Variants in ADGRB3 observed in about 807,000 individuals in gnomAD.
The protein encoded by ADGRB3 is adhesion G protein-coupled receptor B3.
In ADGRB3, 37 loss-of-function variants were observed where a neutral mutation model predicts 193.4. The observed-to-expected ratio is 0.19, with a 90% CI of 0.15 to 0.25. ADGRB3 has a LOEUF of 0.25. ADGRB3 is among the 10% of genes least tolerant of loss of function. The pLI is 1.00. For missense variants in ADGRB3, 1,637 were observed against 1,852.9 expected (o/e 0.88, Z 2.14); for synonymous variants, 690 against 644.2 (o/e 1.07, Z -1.08).
intron 17 of ADGRB3, among the ~76,000 whole-genome samples, chr6:69,136,235 A>C (rs1318081796): frequency 6.6e-6 from 1 of 152,094 alleles, no homozygotes; most frequent in Non-Finnish European, 1.5e-5. Context: ...TTAGAACTTA[A>C]GAAATGTCAT....
intron 17 of ADGRB3, among the ~76,000 whole-genome samples, chr6:69,158,676 T>G (rs1342596403): frequency 6.6e-6 from 1 of 152,080 alleles, no homozygotes. Context: ...ATTTCATAAG[T>G]CTTTCAACAT....
At chr6:68,877,075 C>T (rs1562067350) in intron 3 of ADGRB3, among the ~76,000 whole-genome samples, 1 of 151,882 alleles carries the variant, frequency 6.6e-6, no homozygotes, top group African/African-American at 2.4e-5. Flanking sequence ...TATTTTGATC[C>T]ACATATCTCT....
intron 3 of ADGRB3, among the ~76,000 whole-genome samples, chr6:68,718,755 A>G (rs1040659346): frequency 2.2e-4 from 33 of 151,704 alleles, no homozygotes; most frequent in African/African-American, 7.7e-4. Flanking sequence ...TATTTTACCT[A>G]CTGTGTAAGT....
chr6:68,743,033 C>T (rs1160951189), intron 3 of ADGRB3, among the ~76,000 whole-genome samples: 4 of 152,102 alleles, frequency 2.6e-5, no homozygotes, highest in Admixed American at 6.5e-5. Flanking sequence ...CATGCGTATA[C>T]GTTTTCTGAT....
chr6:68,709,233 G>A (rs765197755), intron 3 of ADGRB3, among the ~76,000 whole-genome samples: 8 of 152,170 alleles, frequency 5.3e-5, no homozygotes, highest in South Asian at 2.1e-4. Context: ...CTATTTAATA[G>A]CGAATAGCTT....
At chr6:69,066,513 A>C (rs1771916015) in intron 16 of ADGRB3, among the ~76,000 whole-genome samples, 1 of 152,132 alleles carries the variant, frequency 6.6e-6, no homozygotes, top group Non-Finnish European at 1.5e-5. Flanking sequence ...GTTAAATATA[A>C]TAAGGCTCTT....
intron 20 of ADGRB3, among the ~76,000 whole-genome samples, chr6:69,311,989 A>G (rs1768205539): frequency 6.6e-6 from 1 of 151,844 alleles, no homozygotes. Context: ...GACATATTCT[A>G]TGACCTTTCT....
intron 17 of ADGRB3, among the ~76,000 whole-genome samples, chr6:69,150,384 A>G (rs1347489272): frequency 6.6e-6 from 1 of 152,008 alleles, no homozygotes; most frequent in Non-Finnish European, 1.5e-5. Context: ...CCCCACAAAC[A>G]CCACTGCCAC....
intron 3 of ADGRB3, among the ~76,000 whole-genome samples, chr6:68,655,245 G>A (rs565446688): frequency 6.6e-6 from 1 of 151,636 alleles, no homozygotes; most frequent in African/African-American, 2.4e-5. Context: ...CCAATTTCCA[G>A]CTCTGTGGCA....
intron 17 of ADGRB3, among the ~76,000 whole-genome samples, chr6:69,219,460 C>CATATATATATATATATATATATATAT (rs1561956677): frequency 1.8e-5 from 1 of 54,832 alleles, no homozygotes; most frequent in African/African-American, 5.0e-5. Flanking sequence ...TACACACACA[C>CATATATATATATATATATATATATAT]GTATATATAT....
intron 20 of ADGRB3, among the ~76,000 whole-genome samples, chr6:69,296,898 C>G (rs1157317504): frequency 6.6e-6 from 1 of 152,048 alleles, no homozygotes; most frequent in Non-Finnish European, 1.5e-5. Context: ...TATTGCTTTT[C>G]TGCTTTTCTA....
In ADGRB3 at chr6:69,195,146, A is replaced by G. The variant is rs564852661; in HGVS notation, c.2481-38144A>G. Among the ~76,000 whole-genome samples the G allele has an allele frequency of 1.7e-3, 264 of 152,242 alleles. 2 individuals are homozygous for G. The highest frequency in any genetic ancestry group is 8.4e-4 in the Non-Finnish European group (57 of 67,996). The stretch of plus-strand genomic sequence containing the variant: ...TTGTCACTGAATTCATGTTGGAAAT[A>G]TCAGATTTGAATTCTTCCAATATTC... On this transcript the variant is annotated intron_variant, in intron 17 of 31. Transcript: ENST00000370598.
intron 3 of ADGRB3, among the ~76,000 whole-genome samples, chr6:68,648,979 G>A (rs1434092877): frequency 1.3e-5 from 2 of 151,926 alleles, no homozygotes; most frequent in Admixed American, 6.6e-5. Context: ...TTTCTAGTTT[G>A]CAAAGTTCTA....
intron 17 of ADGRB3, among the ~76,000 whole-genome samples, chr6:69,112,686 A>G (rs1330531698): frequency 6.6e-6 from 1 of 152,238 alleles, no homozygotes; most frequent in African/African-American, 2.4e-5. Flanking sequence ...AAAAAAAGAC[A>G]AACTCTAAAA....
intron 17 of ADGRB3, among the ~76,000 whole-genome samples, chr6:69,165,989 A>G (rs572079837): frequency 1.8e-4 from 27 of 152,240 alleles, no homozygotes; most frequent in Admixed American, 8.5e-4. Flanking sequence ...ATATTAACAA[A>G]TTATTGAAAC....
chr6:68,664,039 T>G lies in ADGRB3; in HGVS notation c.757+24607T>G, dbSNP rs187259179. On this transcript the variant is annotated intron_variant, in intron 3 of 31. Coordinates refer to ENST00000370598, the MANE Select transcript of ADGRB3 (RefSeq NM_001704.3). ...AATTTCATTCATGGGATAAAAGGAT[T>G]ATTTTAAAATGAGTCGAATATGCTG... is the stretch of plus-strand genomic sequence containing the variant. Among the ~76,000 whole-genome samples the G allele has an allele frequency of 5.9e-5, 9 of 151,966 alleles. No individual in the cohort carries two copies. The East Asian group carries it at 1.8e-3, about 30-fold the overall frequency.
chr6:69,257,705 A>G (rs1766812979), intron 20 of ADGRB3, among the ~76,000 whole-genome samples: 1 of 152,164 alleles, frequency 6.6e-6, no homozygotes, highest in East Asian at 1.9e-4. Flanking sequence ...CATCTTCAAG[A>G]TTTAGTTGAC....
intron 3 of ADGRB3, among the ~76,000 whole-genome samples, chr6:68,794,697 A>G (rs1767172988): frequency 6.6e-6 from 1 of 152,144 alleles, no homozygotes; most frequent in African/African-American, 2.4e-5. Flanking sequence ...TTCAAAGGAA[A>G]TTAGAGTTAC....
chr6:68,637,953 A>T (rs185907458), intron 2 of ADGRB3, among the ~76,000 whole-genome samples: 1 of 152,292 alleles, frequency 6.6e-6, no homozygotes, highest in Admixed American at 6.5e-5. Flanking sequence ...TTCCCTATGT[A>T]TTTATCCATC....
Sources: gnomAD v4.1 joint callset for allele counts (sites outside exome capture counted in the v4.1 genomes callset) on GRCh38, gnomAD v4.1.1 for gene constraint, MANE v1.5 for transcripts, NCBI Gene and HGNC (gene_info 2026-07-23, HGNC 2026-07-21) for gene names.